MARCKSL1: variants seen among roughly 807,000 people sequenced by gnomAD.
MARCKSL1 encodes the protein MARCKS like 1.
A neutral mutation model predicts 13.3 loss-of-function variants in MARCKSL1; 5 were observed. The ratio of observed to expected loss-of-function variants is 0.38; its 90% CI spans 0.20 to 0.79. MARCKSL1 has a LOEUF of 0.79. Among genes scored for constraint, MARCKSL1 ranks in the 30% least tolerant of loss-of-function variants. MARCKSL1 has a pLI of 0.45. For missense variants in MARCKSL1, 274 were observed against 251.6 expected (o/e 1.09, Z -0.60); for synonymous variants, 126 against 103.2 (o/e 1.22, Z -1.34).
In MARCKSL1 at chr1:32,335,866, G is replaced by T. The variant is rs1207195828; in HGVS notation, c.87+81C>A. ...GTGTCCCGGGCCGGACAAAGCGCGC[G>T]GCCCCGGCCCCGGCCCCGGGCCCTA... On this transcript the variant is annotated intron_variant, in intron 1 of 1. Coordinates refer to ENST00000329421, the MANE Select transcript of MARCKSL1 (RefSeq NM_023009.7). The surrounding 1 kb of genome is among the most constrained non-coding windows in gnomAD (Gnocchi z 4.1). 5.3e-6 allele frequency: 4 copies of T among 758,538 alleles called. No individual in the cohort carries two copies. The highest frequency in any genetic ancestry group is 7.1e-6 in the Non-Finnish European group (4 of 561,522). The allele number at this position is 758,538 out of a possible 1,614,324, so 47.0% of individuals were successfully genotyped here.
At position 32,335,928 on chromosome 1, in the gene MARCKSL1, C is replaced by T; in HGVS notation, c.87+19G>A. ...GTGCGAGAGGAGGGGCTGGGGCCGG[C>T]CGGGCCAAGCGTACCCACCTGGCCG... On this transcript the variant is annotated intron_variant, in intron 1 of 1. Transcript: ENST00000329421. This position sits in a 1 kb window ranked among gnomAD's most constrained non-coding sequence, Gnocchi z 4.1. The T allele has an allele frequency of 2.4e-6, 3 of 1,274,768 alleles. No homozygotes were observed. The highest frequency in any genetic ancestry group is 3.3e-5 in the South Asian group (1 of 30,618). The allele number at this position is 1,274,768 out of a possible 1,614,324, so 79.0% of individuals were successfully genotyped here. A position where few individuals can be genotyped will look rare whatever the true frequency, so the allele number is the denominator to read the frequency against.
rs1330161884 is a variant in MARCKSL1 at position 32,335,921 on chromosome 1, G to A, written c.87+26C>T. On this transcript the variant is annotated intron_variant, in intron 1 of 1. Coordinates refer to ENST00000329421, the MANE Select transcript of MARCKSL1 (RefSeq NM_023009.7). This position sits in a 1 kb window ranked among gnomAD's most constrained non-coding sequence, Gnocchi z 4.1. ...GGGCGAGGTGCGAGAGGAGGGGCTG[G>A]GGCCGGCCGGGCCAAGCGTACCCAC... The A allele has an allele frequency of 7.1e-6, 9 of 1,266,934 alleles. No homozygotes were observed. The highest frequency in any genetic ancestry group is 2.9e-5 in the East Asian group (1 of 34,360). The allele number at this position is 1,266,934 out of a possible 1,614,324, so 78.5% of individuals were successfully genotyped here.
Position 32,334,073 on chromosome 1 carries a change from G to A in MARCKSL1, c.*524C>T, listed in dbSNP as rs1394927091. The stretch of plus-strand genomic sequence containing the variant: ...AAAAAGAGACACAGTTGATTCACAG[G>A]CTGGAGGTTTGAACTTGAGTAAGAC... On this transcript the variant is annotated 3_prime_UTR_variant, in exon 2 of 2. Coordinates refer to ENST00000329421, the MANE Select transcript of MARCKSL1 (RefSeq NM_023009.7). 1.3e-5 allele frequency: 2 copies of A among 152,912 alleles called. No homozygotes were observed. Among genetic ancestry groups the A allele is most frequent in the Non-Finnish European group, 2.9e-5 (2 of 68,298 alleles). The allele number at this position is 152,912 out of a possible 1,614,324, so 9.5% of individuals were successfully genotyped here. A position where few individuals can be genotyped will look rare whatever the true frequency, so the allele number is the denominator to read the frequency against.
chr1:32,335,293 G>C lies in MARCKSL1; in HGVS notation c.88-196C>G, dbSNP rs1465560031. The stretch of plus-strand genomic sequence containing the variant: ...CGGGCGCGCGGGGAGCGAGCGCGCA[G>C]AGGGCGCGACCGGCAGGAGGCGCTG... On this transcript the variant is annotated intron_variant, in intron 1 of 1. Transcript: ENST00000329421. This position sits in a 1 kb window ranked among gnomAD's most constrained non-coding sequence, Gnocchi z 4.1. Among the ~76,000 whole-genome samples, 1 of 152,146 alleles carries C rather than the reference G, an allele frequency of 6.6e-6. No individual in the cohort carries two copies. The highest frequency in any genetic ancestry group is 1.9e-4 in the East Asian group (1 of 5,156).
rs745918818 is a variant in MARCKSL1 at position 32,335,919 on chromosome 1, T to A, written c.87+28A>T. 10 of 1,261,826 alleles carry A rather than the reference T, an allele frequency of 7.9e-6. No individual in the cohort carries two copies. Among genetic ancestry groups the A allele is most frequent in the Non-Finnish European group, 1.0e-5 (10 of 993,734 alleles). The allele number at this position is 1,261,826 out of a possible 1,614,324, so 78.2% of individuals were successfully genotyped here. ...AGGGGCGAGGTGCGAGAGGAGGGGC[T>A]GGGGCCGGCCGGGCCAAGCGTACCC... On this transcript the variant is annotated intron_variant, in intron 1 of 1. Transcript: ENST00000329421. This position sits in a 1 kb window ranked among gnomAD's most constrained non-coding sequence, Gnocchi z 4.1.
rs748843732 is a variant in MARCKSL1 at position 32,334,801 on chromosome 1, C to T, written c.384G>A (p.Gln128=). 31 of 1,611,774 alleles carry T rather than the reference C, an allele frequency of 1.9e-5. No homozygotes were observed. The highest frequency in any genetic ancestry group is 2.5e-5 in the Non-Finnish European group (29 of 1,179,846). The part of the protein sequence containing the change: ...ASSPTEEEQE[Q]GEIGACSDEG... Reference sequence around the variant, plus strand: ...CGTCGCTGCAGGCACCGATCTCCCCCTGCTCCTGCTCTTCCTCTGTGGGTG... The same window carrying T: ...CGTCGCTGCAGGCACCGATCTCCCCTTGCTCCTGCTCTTCCTCTGTGGGTG... The change falls in exon 2 of 2, where the codon CAG becomes CAA. Residue 128 remains glutamine (Q), a synonymous_variant. Coordinates refer to ENST00000329421, the MANE Select transcript of MARCKSL1 (RefSeq NM_023009.7).
chr1:32,335,449 C>A lies in MARCKSL1; in HGVS notation c.88-352G>T, dbSNP rs1183798678. Among the ~76,000 whole-genome samples, 1 of 152,032 alleles carries A rather than the reference C, an allele frequency of 6.6e-6. No homozygotes were observed. The highest frequency in any genetic ancestry group is 1.5e-5 in the Non-Finnish European group (1 of 67,938). On this transcript the variant is annotated intron_variant, in intron 1 of 1. Coordinates refer to ENST00000329421, the MANE Select transcript of MARCKSL1 (RefSeq NM_023009.7). The surrounding 1 kb of genome is among the most constrained non-coding windows in gnomAD (Gnocchi z 4.1). ...AGGCGACATTGGGCGGGAAGCCGCCCCGGGGCGCTGTCTCTCTGCACCTGG... is the reference window on the plus strand; with the variant it reads ...AGGCGACATTGGGCGGGAAGCCGCCACGGGGCGCTGTCTCTCTGCACCTGG...
Position 32,334,768 on chromosome 1 carries a change from A to G in MARCKSL1, c.417T>C (p.Thr139=). The part of the protein sequence containing the change: ...GEIGACSDEG[T]AQEGKAAATP... The stretch of plus-strand genomic sequence containing the variant: ...TGGCTGCGGCCTTCCCTTCCTGAGC[A>G]GTGCCCTCGTCGCTGCAGGCACCGA... The change falls in exon 2 of 2, where the codon ACT becomes ACC. Residue 139 remains threonine (T), a synonymous_variant. Transcript: ENST00000329421. 1 of 1,611,498 alleles carries G rather than the reference A, an allele frequency of 6.2e-7. No homozygotes were observed. Among genetic ancestry groups the G allele is most frequent in the Non-Finnish European group, 8.5e-7 (1 of 1,179,748 alleles).
In MARCKSL1 at chr1:32,334,099, A is replaced by T. The variant is rs1489859232; in HGVS notation, c.*498T>A. 6.5e-6 allele frequency: 1 copy of T among 153,348 alleles called. No homozygotes were observed. Among genetic ancestry groups the T allele is most frequent in the Non-Finnish European group, 1.5e-5 (1 of 68,562 alleles). The allele number at this position is 153,348 out of a possible 1,614,324, so 9.5% of individuals were successfully genotyped here. ...CTGGAGGTTTGAACTTGAGTAAGACATTTATAAAAACCTAGACGGGGCAGT... is the reference window on the plus strand; with the variant it reads ...CTGGAGGTTTGAACTTGAGTAAGACTTTTATAAAAACCTAGACGGGGCAGT... On this transcript the variant is annotated 3_prime_UTR_variant, in exon 2 of 2. Transcript: ENST00000329421.
chr1:32,334,939 G>C lies in MARCKSL1; in HGVS notation c.246C>G (p.Pro82=), dbSNP rs1297050407. 3 of 1,611,896 alleles carry C rather than the reference G, an allele frequency of 1.9e-6. No individual in the cohort carries two copies. Among genetic ancestry groups the C allele is most frequent in the East Asian group, 2.2e-5 (1 of 44,836 alleles). ...QGAEAKGEVP[P]KETPKKKKKF... Reference sequence around the variant, plus strand: ...TCTTCTTCTTCTTGGGGGTCTCCTTGGGGGGGACCTCCCCCTTGGCCTCAG... The same window carrying C: ...TCTTCTTCTTCTTGGGGGTCTCCTTCGGGGGGACCTCCCCCTTGGCCTCAG... Residue 82 remains proline (P), a synonymous_variant, in exon 2 of 2, where the codon CCC becomes CCG. Transcript: ENST00000329421.
chr1:32,335,953 G>T lies in MARCKSL1; in HGVS notation c.81C>A (p.Asn27Lys). Residue 27 changes from asparagine to lysine, a missense_variant, in exon 1 of 2, where the codon AAC becomes AAA. By Grantham distance (94) the Asn-to-Lys change is moderately conservative. Transcript: ENST00000329421. The surrounding 1 kb of genome is among the most constrained non-coding windows in gnomAD (Gnocchi z 4.1). ...CCGGGCCAAGCGTACCCACCTGGCC[G>T]TTGGCCTTCGCGGGGGAAGCGCCTG... ...EAAGASPAKA[N>K]GQENGHVKSN... 2 of 1,292,646 alleles carry T rather than the reference G, an allele frequency of 1.5e-6. No individual in the cohort carries two copies. Among genetic ancestry groups the T allele is most frequent in the Non-Finnish European group, 9.8e-7 (1 of 1,016,806 alleles). The allele number at this position is 1,292,646 out of a possible 1,614,324, so 80.1% of individuals were successfully genotyped here.
chr1:32,335,173 A>C lies in MARCKSL1; in HGVS notation c.88-76T>G, dbSNP rs1641365673. The C allele has an allele frequency of 7.2e-7, 1 of 1,394,414 alleles. No individual in the cohort carries two copies. Among genetic ancestry groups the C allele is most frequent in the Non-Finnish European group, 9.4e-7 (1 of 1,068,078 alleles). 86.4% of individuals were successfully genotyped at this position (1,394,414 alleles called of 1,614,324 possible). A position where few individuals can be genotyped will look rare whatever the true frequency, so the allele number is the denominator to read the frequency against. On this transcript the variant is annotated intron_variant, in intron 1 of 1. Transcript: ENST00000329421. This position sits in a 1 kb window ranked among gnomAD's most constrained non-coding sequence, Gnocchi z 4.1. ...CCCGCTTCTGATCCCTTCTAGAGGA[A>C]GGGGTCCTCGATTCGATTCTACTGC...
rs919329416 is a variant in MARCKSL1, at chr1:32,335,864, GCGGCCC to G, written c.87+77_87+82del. On this transcript the variant is annotated intron_variant, in intron 1 of 1. Transcript: ENST00000329421. This position sits in a 1 kb window ranked among gnomAD's most constrained non-coding sequence, Gnocchi z 4.1. ...GCGTGTCCCGGGCCGGACAAAGCGC[GCGGCCC>G]CGGCCCCGGCCCCGGGCCCTAGAAG... 83 of 749,306 alleles carry G rather than the reference GCGGCCC, an allele frequency of 1.1e-4. No homozygotes were observed. Among genetic ancestry groups the G allele is most frequent in the South Asian group, 2.6e-4 (4 of 15,288 alleles). The allele number at this position is 749,306 out of a possible 1,614,324, so 46.4% of individuals were successfully genotyped here.
Position 32,335,405 on chromosome 1 carries a change from C to T in MARCKSL1, c.88-308G>A, listed in dbSNP as rs1570049533. Among the ~76,000 whole-genome samples, 1 of 151,514 alleles carries T rather than the reference C, an allele frequency of 6.6e-6. No individual in the cohort carries two copies. Among genetic ancestry groups the T allele is most frequent in the Non-Finnish European group, 1.5e-5 (1 of 67,688 alleles). ...CCGGATCTGCTGTGCGGATCCCGGG[C>T]AGGCGGGCGAGCCGCTCTAGGCGAC... On this transcript the variant is annotated intron_variant, in intron 1 of 1. Transcript: ENST00000329421. This position sits in a 1 kb window ranked among gnomAD's most constrained non-coding sequence, Gnocchi z 4.1.
rs1413321973 is a variant in MARCKSL1 at position 32,336,173 on chromosome 1, T to A, written c.-140A>T. 5 of 358,612 alleles carry A rather than the reference T, an allele frequency of 1.4e-5. No homozygotes were observed. In the Admixed American group the frequency reaches 2.4e-4, roughly 17 times the overall value. The allele number at this position is 358,612 out of a possible 1,614,324, so 22.2% of individuals were successfully genotyped here. On this transcript the variant is annotated 5_prime_UTR_variant, in exon 1 of 2. Coordinates refer to ENST00000329421, the MANE Select transcript of MARCKSL1 (RefSeq NM_023009.7). The stretch of plus-strand genomic sequence containing the variant: ...GTGCCGGGGGAAGCCGAGCTGCACC[T>A]CCGCTCCGCGGCCGACCCGCTAGCT...
chr1:32,334,763 T>C lies in MARCKSL1; in HGVS notation c.422A>G (p.Gln141Arg), dbSNP rs747340854. 2.2e-5 allele frequency: 36 copies of C among 1,611,712 alleles called. No individual in the cohort carries two copies. The South Asian group carries it at 3.2e-4, about 14-fold the overall frequency. The change falls in exon 2 of 2, where the codon CAG (glutamine) becomes CGG (arginine). Residue 141 changes from glutamine (Q) to arginine (R), a missense_variant. Transcript: ENST00000329421. ...AGGGGTGGCTGCGGCCTTCCCTTCC[T>C]GAGCAGTGCCCTCGTCGCTGCAGGC... The part of the protein sequence containing the change: ...IGACSDEGTA[Q>R]EGKAAATPES...
chr1:32,335,032 C>G lies in MARCKSL1; in HGVS notation c.153G>C (p.Val51=), dbSNP rs376304532. 1.6e-4 allele frequency: 245 copies of G among 1,575,712 alleles called. No individual in the cohort carries two copies. Among genetic ancestry groups the G allele is most frequent in the Non-Finnish European group, 2.0e-4 (234 of 1,162,436 alleles). ...CCCCGGCTGCCTCATCTGTTCCGTTCACAGGGGGCGACTCCCCTTCACCCT... is the reference window on the plus strand; with the variant it reads ...CCCCGGCTGCCTCATCTGTTCCGTTGACAGGGGGCGACTCCCCTTCACCCT... ...SPKGEGESPP[V]NGTDEAAGAT... Residue 51 remains valine, a synonymous_variant, in exon 2 of 2, where the codon GTG becomes GTC. Coordinates refer to ENST00000329421, the MANE Select transcript of MARCKSL1 (RefSeq NM_023009.7). The surrounding 1 kb of genome is among the most constrained non-coding windows in gnomAD (Gnocchi z 4.1).
In MARCKSL1 at chr1:32,334,474, G is replaced by T; in HGVS notation, c.*123C>A. 8.4e-7 allele frequency: 1 copy of T among 1,183,682 alleles called. No individual in the cohort carries two copies. The highest frequency in any genetic ancestry group is 1.2e-6 in the Non-Finnish European group (1 of 869,170). The allele number at this position is 1,183,682 out of a possible 1,614,324, so 73.3% of individuals were successfully genotyped here. A position where few individuals can be genotyped will look rare whatever the true frequency, so the allele number is the denominator to read the frequency against. ...AGGAGGAAAGGGAACGTGGCTGGGA[G>T]GAGGCAATAGCCCCTTCCTTTCTGG... On this transcript the variant is annotated 3_prime_UTR_variant, in exon 2 of 2. Coordinates refer to ENST00000329421, the MANE Select transcript of MARCKSL1 (RefSeq NM_023009.7).
Position 32,336,201 on chromosome 1 carries a change from G to C in MARCKSL1, c.-168C>G, listed in dbSNP as rs8176773. The C allele has an allele frequency of 2.2e-4, 73 of 336,936 alleles. No homozygotes were observed. The highest frequency in any genetic ancestry group is 1.1e-3 in the Admixed American group (22 of 20,594). The allele number at this position is 336,936 out of a possible 1,614,324, so 20.9% of individuals were successfully genotyped here. ...GCTCCGCGGCCGACCCGCTAGCTGC[G>C]CCCGCCGCCGCTCCGCTCCGCGCCA... On this transcript the variant is annotated 5_prime_UTR_variant, in exon 1 of 2. Transcript: ENST00000329421.
Sources: allele counts gnomAD v4.1 joint callset (sites outside exome capture counted in the v4.1 genomes callset), GRCh38; gene constraint gnomAD v4.1.1; non-coding constraint Gnocchi (gnomAD v3.1); transcripts MANE v1.5; gene names NCBI Gene and HGNC (gene_info 2026-07-23, HGNC 2026-07-21).